KCNMB2: variants seen among roughly 807,000 people sequenced by gnomAD.
KCNMB2 encodes calcium-activated potassium channel subunit beta-2.
KCNMB2 carries 9 observed loss-of-function variants against 24.5 expected under a neutral mutation model. The ratio of observed to expected loss-of-function variants is 0.37; its 90% confidence interval spans 0.22 to 0.64. The LOEUF (loss-of-function observed/expected upper bound fraction) is 0.64. Ranked by LOEUF, KCNMB2 falls within the 30% of genes least tolerant of loss-of-function variation. KCNMB2 has a pLI of 0.63. For missense variants in KCNMB2, 226 were observed against 284.3 expected, an observed-to-expected ratio of 0.79 and a Z score of 1.47; for synonymous variants, 109 against 104.4, an observed-to-expected ratio of 1.04 and a Z score of -0.27.
At chr3:178,768,511 A>G (rs9840205) in intron 1 of KCNMB2, among the ~76,000 whole-genome samples, 26,635 of 152,096 alleles carry the variant, frequency 0.18, 2,760 homozygotes, top group African/African-American at 0.28. Flanking sequence ...TTGAGAAAAA[A>G]ATATATATTC....
chr3:178,559,286 C>G (rs534410509), intron 1 of KCNMB2, among the ~76,000 whole-genome samples: 1 of 151,976 alleles, frequency 6.6e-6, no homozygotes, highest in East Asian at 1.9e-4. Context: ...ATTCTTGATT[C>G]TAGTGCATAT....
At chr3:178,806,567 C>T (rs925340045) in intron 1 of KCNMB2, among the ~76,000 whole-genome samples, 5 of 151,844 alleles carry the variant, frequency 3.3e-5, no homozygotes, top group Non-Finnish European at 7.4e-5. Flanking sequence ...ATGATTAAGG[C>T]TTTTTTATTT....
chr3:178,589,114 T>C (rs1378522549), intron 1 of KCNMB2, among the ~76,000 whole-genome samples: 2 of 152,182 alleles, frequency 1.3e-5, no homozygotes, highest in Non-Finnish European at 2.9e-5. Flanking sequence ...TTTATCTAAA[T>C]AGAAAATTAC....
At chr3:178,787,490 C>T (rs780965913) in intron 1 of KCNMB2, among the ~76,000 whole-genome samples, 2 of 152,074 alleles carry the variant, frequency 1.3e-5, no homozygotes, top group Admixed American at 6.5e-5. Context: ...GTTATTATCA[C>T]GCTAATTTTA....
At chr3:178,587,234 C>A (rs975949003) in intron 1 of KCNMB2, among the ~76,000 whole-genome samples, 1 of 151,962 alleles carries the variant, frequency 6.6e-6, no homozygotes, top group African/African-American at 2.4e-5. Flanking sequence ...TAGGAAAAAT[C>A]TTTTTAAGAT....
chr3:178,768,106 C>A (rs1370237376), intron 1 of KCNMB2, among the ~76,000 whole-genome samples: 1 of 151,930 alleles, frequency 6.6e-6, no homozygotes, highest in Non-Finnish European at 1.5e-5. Flanking sequence ...TCCCCCAGAA[C>A]AATTTATTCA....
intron 2 of KCNMB2, among the ~76,000 whole-genome samples, chr3:178,823,227 T>C (rs2108465574): frequency 6.6e-6 from 1 of 152,092 alleles, no homozygotes; most frequent in South Asian, 2.1e-4. Context: ...ACACAGAGGG[T>C]GGGTGGTTGC....
In KCNMB2 at chr3:178,683,541, A is replaced by C. The variant is rs111956419; in HGVS notation, c.-67-123802A>C. 1.7e-3 allele frequency among the ~76,000 whole-genome samples: 252 copies of C among 152,326 alleles called. 1 individual carries two copies. The highest frequency in any genetic ancestry group is 5.8e-3 in the African/African-American group (241 of 41,580). ...TGTAATCACATAGAAATTACTAATT[A>C]GATATTTTACATTCTTTTTATGCTA... On this transcript the variant is annotated intron_variant, in intron 1 of 4. Coordinates refer to ENST00000452583, the MANE Select transcript of KCNMB2 (RefSeq NM_181361.3).
At chr3:178,641,960 C>A (rs1027944475) in intron 1 of KCNMB2, among the ~76,000 whole-genome samples, 4 of 151,928 alleles carry the variant, frequency 2.6e-5, no homozygotes, top group Non-Finnish European at 5.9e-5. Context: ...TATTTTTATA[C>A]CCTTAGTTTC....
intron 1 of KCNMB2, among the ~76,000 whole-genome samples, chr3:178,610,824 G>A (rs988654292): frequency 1.3e-5 from 2 of 152,178 alleles, no homozygotes; most frequent in African/African-American, 2.4e-5. Flanking sequence ...TAGAGGAAAG[G>A]CTTTCAGTTT....
At chr3:178,721,196 T>A (rs928749386) in intron 1 of KCNMB2, among the ~76,000 whole-genome samples, 1 of 152,234 alleles carries the variant, frequency 6.6e-6, no homozygotes, top group Admixed American at 6.5e-5. Flanking sequence ...CACATATGGC[T>A]AGCCAGTTTT....
At chr3:178,759,508 T>TCTCTCTCC (rs1711608366) in intron 1 of KCNMB2, among the ~76,000 whole-genome samples, 1 of 124,690 alleles carries the variant, frequency 8.0e-6, no homozygotes, top group Non-Finnish European at 1.7e-5. Context: ...GATATATATA[T>TCTCTCTCC]ATCTCTCCAA....
intron 1 of KCNMB2, among the ~76,000 whole-genome samples, chr3:178,716,337 T>C (rs899202257): frequency 6.6e-6 from 1 of 152,126 alleles, no homozygotes; most frequent in Non-Finnish European, 1.5e-5. Context: ...ATGAGCTACA[T>C]ACTATTGCCC....
chr3:178,610,569 T>G (rs1296119298), intron 1 of KCNMB2, among the ~76,000 whole-genome samples: 1 of 152,362 alleles, frequency 6.6e-6, no homozygotes, highest in Non-Finnish European at 1.5e-5. Context: ...TGTTGGCATA[T>G]AGAAATACTA....
chr3:178,594,684 G>A (rs1717801491), intron 1 of KCNMB2, among the ~76,000 whole-genome samples: 1 of 152,070 alleles, frequency 6.6e-6, no homozygotes, highest in African/African-American at 2.4e-5. Context: ...TGGAATTCAA[G>A]GGGGAGGCTG....
chr3:178,814,964 CTTTAG>C (rs1263080403), intron 2 of KCNMB2, among the ~76,000 whole-genome samples: 1 of 152,014 alleles, frequency 6.6e-6, no homozygotes, highest in African/African-American at 2.4e-5. Flanking sequence ...TGCAGAAGCT[CTTTAG>C]TTTAATTAAG....
intron 1 of KCNMB2, among the ~76,000 whole-genome samples, chr3:178,550,050 T>G (rs1445394449): frequency 6.6e-6 from 1 of 152,148 alleles, no homozygotes; most frequent in Non-Finnish European, 1.5e-5. Context: ...GTTGGCTATA[T>G]AAGTAAATTA....
In KCNMB2 at chr3:178,759,406, TATATATATATATATATCTCTCCAAGAGG is replaced by T. The variant is rs1491004184; in HGVS notation, c.-67-47920_-67-47893del. ...ATATATATATCTCTCCAAGAGGATA[TATATATATATATATATCTCTCCAAGAGG>T]ATATATATATATATATATATATATC... is the stretch of plus-strand genomic sequence containing the variant. On this transcript the variant is annotated intron_variant, in intron 1 of 4. Coordinates refer to ENST00000452583, the MANE Select transcript of KCNMB2 (RefSeq NM_181361.3). Among the ~76,000 whole-genome samples the T allele has an allele frequency of 7.8e-4, 17 of 21,834 alleles. 4 individuals carry two copies. The African/African-American group carries it at 8.8e-3, about 11-fold the overall frequency. 14.3% of individuals were successfully genotyped at this position (21,834 alleles called of 152,430 possible). A position where few individuals can be genotyped will look rare whatever the true frequency, so the allele number is the denominator to read the frequency against.
intron 1 of KCNMB2, among the ~76,000 whole-genome samples, chr3:178,805,515 C>T (rs1036612403): frequency 6.6e-5 from 10 of 152,186 alleles, no homozygotes; most frequent in Non-Finnish European, 1.5e-5. Flanking sequence ...CTTTGCTGCT[C>T]GCTGTTGTTT....
Sources: allele counts gnomAD v4.1 joint callset (sites outside exome capture counted in the v4.1 genomes callset), GRCh38; gene constraint gnomAD v4.1.1; transcripts MANE v1.5; gene names NCBI Gene and HGNC (gene_info 2026-07-23, HGNC 2026-07-21).